Variants in MED13L observed in about 807,000 individuals in gnomAD.
MED13L encodes the protein mediator complex subunit 13L.
MED13L carries 7 observed loss-of-function variants against 220.9 expected under a neutral mutation model. That is an observed-to-expected ratio of 0.03 (90% confidence interval 0.02 to 0.06). The LOEUF is 0.06. MED13L is among the 10% of genes least tolerant of loss of function. The pLI, the probability that MED13L is intolerant of heterozygous loss-of-function variation, is 1.00. For missense variants in MED13L, 1,965 were observed against 2,760.5 expected (o/e 0.71, Z 6.46); for synonymous variants, 1,011 against 1,015.2 (o/e 1.00, Z 0.08).
chr12:116,068,591 T>C (rs962975128), intron 4 of MED13L, among the ~76,000 whole-genome samples: 6 of 152,206 alleles, frequency 3.9e-5, no homozygotes, highest in African/African-American at 1.4e-4. Context: ...TTCTGACCTC[T>C]GCTGCCTCTG....
At chr12:116,062,549 G>A (rs142858200) in intron 4 of MED13L, among the ~76,000 whole-genome samples, 2,955 of 145,306 alleles carry the variant, frequency 0.02, 61 homozygotes, top group Non-Finnish European at 0.033. Context: ...GTGCAGTGGC[G>A]CGATCTTGGC....
At chr12:116,176,694 A>C (rs1880089033) in intron 2 of MED13L, among the ~76,000 whole-genome samples, 1 of 152,106 alleles carries the variant, frequency 6.6e-6, no homozygotes, top group Admixed American at 6.6e-5. Context: ...CAAAGAAAAA[A>C]ATTCAGCTGA....
chr12:116,232,717 T>A (rs1032775334), intron 2 of MED13L, among the ~76,000 whole-genome samples: 1 of 152,230 alleles, frequency 6.6e-6, no homozygotes, highest in Admixed American at 6.5e-5. Flanking sequence ...TGTACTATTT[T>A]GGGTTTTCCA....
chr12:116,169,259 T>C (rs1414280524), intron 2 of MED13L: 4 of 152,720 alleles, frequency 2.6e-5, no homozygotes, highest in African/African-American at 7.2e-5. Flanking sequence ...AGTCTAGGAA[T>C]GAGGATAAAT....
chr12:116,209,516 C>T (rs537317700), intron 2 of MED13L, among the ~76,000 whole-genome samples: 5 of 152,302 alleles, frequency 3.3e-5, no homozygotes, highest in Non-Finnish European at 7.3e-5. Context: ...TGCCTTGACC[C>T]AGTAACCATT....
rs187671472 is a variant in MED13L, at chr12:116,199,530, A to T, written c.310+37938T>A. On this transcript the variant is annotated intron_variant, in intron 2 of 30. Coordinates refer to ENST00000281928, the MANE Select transcript of MED13L (RefSeq NM_015335.5). ...ATCATCTGACTTTTAAACATTTTCTATCTCTTAGAAAATACTCTGATCAAA... is the reference window on the plus strand; with the variant it reads ...ATCATCTGACTTTTAAACATTTTCTTTCTCTTAGAAAATACTCTGATCAAA... Among the ~76,000 whole-genome samples the T allele has an allele frequency of 9.2e-5, 14 of 152,310 alleles. No homozygotes were observed. The East Asian group carries it at 2.7e-3, about 29-fold the overall frequency.
chr12:116,201,041 T>C (rs911058831), intron 2 of MED13L, among the ~76,000 whole-genome samples: 4 of 152,160 alleles, frequency 2.6e-5, no homozygotes, highest in Admixed American at 6.5e-5. Context: ...CTTGAAACCA[T>C]GGGCAAAATT....
chr12:116,205,531 A>AG (rs1882258212), intron 2 of MED13L, among the ~76,000 whole-genome samples: 2 of 104,084 alleles, frequency 1.9e-5, no homozygotes, highest in South Asian at 7.4e-4. Flanking sequence ...ACAAAGGAAG[A>AG]GAAAAAAAAA....
chr12:116,185,966 T>C (rs1880874783), intron 2 of MED13L, among the ~76,000 whole-genome samples: 1 of 152,236 alleles, frequency 6.6e-6, no homozygotes, highest in Non-Finnish European at 1.5e-5. Context: ...AGTGCTGGGA[T>C]TACAGGCGTG....
intron 2 of MED13L, among the ~76,000 whole-genome samples, chr12:116,119,818 A>T (rs1170039385): frequency 0.019 from 1,511 of 77,782 alleles, 15 homozygotes; most frequent in Middle Eastern, 0.033. Flanking sequence ...TTAAAAAAAA[A>T]AAAAAAAAAA....
chr12:116,114,356 T>C (rs1487893504), intron 2 of MED13L, among the ~76,000 whole-genome samples: 3 of 152,214 alleles, frequency 2.0e-5, no homozygotes, highest in Non-Finnish European at 4.4e-5. Flanking sequence ...TGTGGAACAC[T>C]GAACAATTAA....
intron 2 of MED13L, among the ~76,000 whole-genome samples, chr12:116,156,902 T>C (rs1342160845): frequency 1.3e-5 from 2 of 152,198 alleles, no homozygotes; most frequent in Middle Eastern, 3.4e-3. Flanking sequence ...AAGCTGAACA[T>C]TGAGGATGAA....
At chr12:116,248,229 T>C (rs959803943) in intron 1 of MED13L, among the ~76,000 whole-genome samples, 3 of 152,204 alleles carry the variant, frequency 2.0e-5, no homozygotes, top group African/African-American at 7.2e-5. Context: ...CTGAAGTTAT[T>C]TAGTCTTCTG....
intron 2 of MED13L, among the ~76,000 whole-genome samples, chr12:116,142,368 C>A (rs748780825): frequency 1.3e-5 from 2 of 152,102 alleles, no homozygotes; most frequent in Non-Finnish European, 2.9e-5. Context: ...TAGCAATAGT[C>A]CTATAGCTGT....
chr12:116,039,811 C>T (rs759237484), intron 4 of MED13L, among the ~76,000 whole-genome samples: 3 of 152,002 alleles, frequency 2.0e-5, no homozygotes, highest in African/African-American at 4.8e-5. Flanking sequence ...ACATGACACT[C>T]AAGCAGAGAC....
rs1272071821 is a variant in MED13L at position 115,966,262 on chromosome 12, A to C, written c.6226-19T>G. 1 of 1,613,762 alleles carries C rather than the reference A, an allele frequency of 6.2e-7. No individual in the cohort carries two copies. Among genetic ancestry groups the C allele is most frequent in the South Asian group, 1.1e-5 (1 of 91,076 alleles). On this transcript the variant is annotated intron_variant, in intron 28 of 30. Coordinates refer to ENST00000281928, the MANE Select transcript of MED13L (RefSeq NM_015335.5). ...CCTGGCTCTGAAAAACAAAAATCCC[A>C]AAAACATGATCAGCATTTATCTTAA...
chr12:116,066,405 T>C (rs577750655), intron 4 of MED13L, among the ~76,000 whole-genome samples: 3 of 152,204 alleles, frequency 2.0e-5, no homozygotes, highest in Non-Finnish European at 4.4e-5. Flanking sequence ...GAGGGATTTA[T>C]TTTCATGGGA....
intron 2 of MED13L, among the ~76,000 whole-genome samples, chr12:116,139,353 C>T (rs1192671671): frequency 6.6e-6 from 1 of 152,152 alleles, no homozygotes; most frequent in Non-Finnish European, 1.5e-5. Context: ...CACCTGGAAA[C>T]AATGCATTAT....
Position 115,975,251 on chromosome 12 carries a change from A to C in MED13L, c.5651T>G (p.Ile1884Arg). Residue 1884 changes from isoleucine (I) to arginine (R), a missense_variant, in exon 25 of 31, where the codon ATA becomes AGA. Ile to Arg is a moderately conservative substitution (Grantham distance 97). Coordinates refer to ENST00000281928, the MANE Select transcript of MED13L (RefSeq NM_015335.5). ...IGLQKLWEWC[I>R]GIVQMTSLPW... ...TAGAGATGTCATTTGGACAATCCCT[A>C]TGCACCACTCCCATAACTTCTGTAG... is the stretch of plus-strand genomic sequence containing the variant. 2 of 1,614,112 alleles carry C rather than the reference A, an allele frequency of 1.2e-6. No homozygotes were observed. The highest frequency in any genetic ancestry group is 1.7e-6 in the Non-Finnish European group (2 of 1,179,994).
Sources: gnomAD v4.1 joint callset for allele counts (sites outside exome capture counted in the v4.1 genomes callset) on GRCh38, gnomAD v4.1.1 for gene constraint, MANE v1.5 for transcripts, NCBI Gene and HGNC (gene_info 2026-07-23, HGNC 2026-07-21) for gene names.